CDH18: variants seen among roughly 807,000 people sequenced by gnomAD.
CDH18 encodes the protein cadherin-18.
A neutral mutation model predicts 67.9 loss-of-function variants in CDH18; 31 were observed. That is an observed-to-expected ratio of 0.46 (90% CI 0.34 to 0.62). The LOEUF (loss-of-function observed/expected upper bound fraction) is 0.62. CDH18 is among the 20% of genes least tolerant of loss of function. CDH18 has a pLI of 0.01. For missense variants in CDH18, 890 were observed against 975.5 expected (o/e 0.91, Z 1.17); for synonymous variants, 362 against 347.2 (o/e 1.04, Z -0.48).
At chr5:19,495,309 C>T (rs575363264) in intron 11 of CDH18, among the ~76,000 whole-genome samples, 1 of 152,140 alleles carries the variant, frequency 6.6e-6, no homozygotes. Flanking sequence ...CTCTGAAACT[C>T]CATTTATGTC....
chr5:20,007,717 C>G lies in CDH18; in HGVS notation c.-517-15703G>C, dbSNP rs568333401. Among the ~76,000 whole-genome samples the G allele has an allele frequency of 1.7e-4, 19 of 112,476 alleles. No individual in the cohort carries two copies. The South Asian group carries it at 4.7e-3, about 28-fold the overall frequency. The allele number at this position is 112,476 out of a possible 152,430, so 73.8% of individuals were successfully genotyped here. A position where few individuals can be genotyped will look rare whatever the true frequency, so the allele number is the denominator to read the frequency against. On this transcript the variant is annotated intron_variant, in intron 2 of 14. Coordinates refer to the CDH18 transcript ENST00000507958. ...TGTGTGTGTGTGTGTGTGTGTGTGT[C>G]ATAAGTCATTGGGCCTGCCACTTGT...
intron 3 of CDH18, among the ~76,000 whole-genome samples, chr5:19,827,135 A>G (rs1780495426): frequency 6.6e-6 from 1 of 152,194 alleles, no homozygotes; most frequent in South Asian, 2.1e-4. Flanking sequence ...GGCAAAAAGA[A>G]AAAGTGTTAC....
chr5:20,553,565 A>C (rs938938950), intron 1 of CDH18, among the ~76,000 whole-genome samples: 5 of 152,322 alleles, frequency 3.3e-5, no homozygotes, highest in African/African-American at 1.2e-4. Flanking sequence ...TTGGTAAAAC[A>C]CCACTTTAAC....
intron 3 of CDH18, among the ~76,000 whole-genome samples, chr5:19,798,235 A>T (rs1777061292): frequency 6.6e-6 from 1 of 152,030 alleles, no homozygotes. Context: ...AGGTTGTTGG[A>T]TTTTTATCAA....
chr5:19,508,963 T>C (rs1309847553), intron 10 of CDH18, among the ~76,000 whole-genome samples: 1 of 150,350 alleles, frequency 6.7e-6, no homozygotes, highest in Non-Finnish European at 1.5e-5. Context: ...AACCTTCACC[T>C]CCTGGGTTCA....
intron 1 of CDH18, among the ~76,000 whole-genome samples, chr5:20,293,860 G>A (rs1452554285): frequency 6.6e-6 from 1 of 152,154 alleles, no homozygotes; most frequent in Non-Finnish European, 1.5e-5. Context: ...AACCTGAAAC[G>A]AGTGTAAACA....
At chr5:19,516,177 C>G (rs976036664) in intron 10 of CDH18, among the ~76,000 whole-genome samples, 1 of 151,870 alleles carries the variant, frequency 6.6e-6, no homozygotes, top group African/African-American at 2.4e-5. Context: ...GTTGAACCAG[C>G]CTTGCATCCC....
intron 3 of CDH18, among the ~76,000 whole-genome samples, chr5:19,754,171 T>C (rs909665089): frequency 4.6e-5 from 7 of 152,080 alleles, no homozygotes; most frequent in Non-Finnish European, 8.8e-5. Flanking sequence ...AACATTAACA[T>C]TGAATGTAAA....
chr5:19,473,696 T>G lies in CDH18; in HGVS notation c.1903A>C (p.Thr635Pro). The G allele has an allele frequency of 6.2e-7, 1 of 1,601,298 alleles. No individual in the cohort carries two copies. The highest frequency in any genetic ancestry group is 8.5e-7 in the Non-Finnish European group (1 of 1,173,808). The stretch of plus-strand genomic sequence containing the variant: ...GGCTCTTTTTTGCTGCGCCTCAGGG[T>G]GATAAAAAGTACCACAATTGCTGAG... ...ILLAIVVLFI[T>P]LRRSKKEPLI... is the part of the protein sequence containing the mutation. The change falls in exon 13 of 13, where the codon ACC becomes CCC. Residue 635 changes from threonine to proline, a missense_variant. Around this residue, in one of 2 missense-constraint regions of CDH18, gnomAD observed 656 missense variants for 668.1 expected, o/e 0.98. Transcript: ENST00000382275.
chr5:19,670,363 G>A (rs1758571377), intron 5 of CDH18, among the ~76,000 whole-genome samples: 1 of 152,056 alleles, frequency 6.6e-6, no homozygotes, highest in African/African-American at 2.4e-5. Context: ...TTCAAAAACA[G>A]CGTATCTGCA....
At chr5:20,507,034 T>A (rs1754704738) in intron 1 of CDH18, among the ~76,000 whole-genome samples, 1 of 152,166 alleles carries the variant, frequency 6.6e-6, no homozygotes, top group Admixed American at 6.5e-5. Context: ...TTGTGATGTG[T>A]CCCACATTAG....
chr5:19,982,333 T>A (rs1799138995), intron 1 of CDH18, among the ~76,000 whole-genome samples: 1 of 152,034 alleles, frequency 6.6e-6, no homozygotes, highest in Non-Finnish European at 1.5e-5. Flanking sequence ...TAAAAACTAC[T>A]AATGAGACAT....
At chr5:20,242,611 A>T (rs9637795) in intron 2 of CDH18, among the ~76,000 whole-genome samples, 17,580 of 34,522 alleles carry the variant, frequency 0.51, 5,695 homozygotes, top group East Asian at 0.71. Context: ...AAAAAAAAAA[A>T]ATATATATAT....
chr5:20,198,029 G>A (rs187280718), intron 2 of CDH18, among the ~76,000 whole-genome samples: 27 of 152,128 alleles, frequency 1.8e-4, no homozygotes, highest in African/African-American at 3.1e-4. Flanking sequence ...CTCTCCTACC[G>A]CCCTGTGAAG....
Position 19,473,508 on chromosome 5 carries a change from G to A in CDH18, c.2091C>T (p.Leu697=). The change falls in exon 13 of 13, where the codon CTC becomes CTT. Residue 697 remains leucine, a synonymous_variant. Coordinates refer to ENST00000382275, the MANE Select transcript of CDH18 (RefSeq NM_004934.5). ...TGGATGATGTCTGGTGTCTGGGAGTGAGCTTCACTTCAGGTCTGATATCCC... is the reference window on the plus strand; with the variant it reads ...TGGATGATGTCTGGTGTCTGGGAGTAAGCTTCACTTCAGGTCTGATATCCC... ...YRRDIRPEVK[L]TPRHQTSSTL... is the part of the protein sequence containing the mutation. The A allele has an allele frequency of 1.9e-6, 3 of 1,613,718 alleles. No individual in the cohort carries two copies. The highest frequency in any genetic ancestry group is 8.5e-7 in the Non-Finnish European group (1 of 1,179,794).
chr5:19,814,475 G>T (rs1779080074), intron 3 of CDH18, among the ~76,000 whole-genome samples: 1 of 149,752 alleles, frequency 6.7e-6, no homozygotes, highest in African/African-American at 2.5e-5. Context: ...TTTGTTGGTG[G>T]CTGGTTGTTC....
At chr5:19,942,316 C>T (rs1028930618) in intron 2 of CDH18, among the ~76,000 whole-genome samples, 1 of 152,170 alleles carries the variant, frequency 6.6e-6, no homozygotes, top group Admixed American at 6.6e-5. Flanking sequence ...GTTAAATTAG[C>T]ATCAAAGTGC....
chr5:19,948,048 T>A (rs1795440045), intron 2 of CDH18, among the ~76,000 whole-genome samples: 1 of 152,162 alleles, frequency 6.6e-6, no homozygotes, highest in Non-Finnish European at 1.5e-5. Flanking sequence ...TCATTAGCTA[T>A]CGAGGAAGTG....
At chr5:19,894,317 T>A (rs974820768) in intron 2 of CDH18, among the ~76,000 whole-genome samples, 1 of 152,080 alleles carries the variant, frequency 6.6e-6, no homozygotes, top group East Asian at 1.9e-4. Flanking sequence ...TTCATATGAA[T>A]ACAGGTTTTT....
Sources: allele counts gnomAD v4.1 joint callset (sites outside exome capture counted in the v4.1 genomes callset), GRCh38; gene constraint gnomAD v4.1.1; regional missense constraint gnomAD v4.1.1; transcripts MANE v1.5; gene names NCBI Gene and HGNC (gene_info 2026-07-23, HGNC 2026-07-21).